DCC: variants seen among roughly 807,000 people sequenced by gnomAD.
The protein encoded by DCC is DCC netrin 1 receptor, also known as netrin receptor DCC.
DCC carries 58 observed loss-of-function variants against 172.5 expected under a neutral mutation model. The observed-to-expected ratio is 0.34, with a 90% CI of 0.27 to 0.42. The LOEUF is 0.42. Among genes scored for constraint, DCC ranks in the 10% least tolerant of loss-of-function variants. The pLI, the probability that DCC is intolerant of heterozygous loss-of-function variation, is 1.00. For missense variants in DCC, 1,740 were observed against 1,791.0 expected, an observed-to-expected ratio of 0.97 and a Z score of 0.51; for synonymous variants, 709 against 644.5, an observed-to-expected ratio of 1.10 and a Z score of -1.52.
At chr18:53,091,447 A>G (rs953521250) in intron 7 of DCC, among the ~76,000 whole-genome samples, 3 of 150,522 alleles carry the variant, frequency 2.0e-5, no homozygotes, top group Admixed American at 6.6e-5. Flanking sequence ...GCATAATAAT[A>G]TGCTTTAGAC....
intron 1 of DCC, among the ~76,000 whole-genome samples, chr18:52,733,291 A>G (rs1333373757): frequency 2.6e-5 from 4 of 152,074 alleles, no homozygotes; most frequent in African/African-American, 9.7e-5. Context: ...AACATGATTC[A>G]CGTATCATTT....
chr18:52,357,888 A>G (rs1373566342), intron 1 of DCC, among the ~76,000 whole-genome samples: 2 of 150,036 alleles, frequency 1.3e-5, no homozygotes, highest in African/African-American at 2.4e-5. Context: ...CAGTGAGCTG[A>G]GATCGCGCCA....
rs148056338 is a variant in DCC, at chr18:53,262,266, C to A, written c.1912-43312C>A. ...TAAACTTATGTGAATGTATTATACC[C>A]ATTTTTCCTCGTAGCCTAAAATCAA... On this transcript the variant is annotated intron_variant, in intron 12 of 28. Coordinates refer to ENST00000442544, the MANE Select transcript of DCC (RefSeq NM_005215.4). 3.1e-3 allele frequency among the ~76,000 whole-genome samples: 474 copies of A among 152,244 alleles called. 2 individuals carry two copies. Among genetic ancestry groups the A allele is most frequent in the African/African-American group, 0.011 (450 of 41,556 alleles).
At chr18:53,171,142 C>T (rs2055007903) in intron 8 of DCC, among the ~76,000 whole-genome samples, 1 of 152,160 alleles carries the variant, frequency 6.6e-6, no homozygotes, top group African/African-American at 2.4e-5. Context: ...GCCTCGGCCT[C>T]CCAAAGTGCT....
At chr18:52,495,481 T>C (rs1356318179) in intron 1 of DCC, among the ~76,000 whole-genome samples, 2 of 152,130 alleles carry the variant, frequency 1.3e-5, no homozygotes, top group Non-Finnish European at 2.9e-5. Context: ...AGTTCTTCCT[T>C]TCTCTGAAAT....
At chr18:53,030,602 T>G (rs147435671) in intron 5 of DCC, among the ~76,000 whole-genome samples, 1 of 152,268 alleles carries the variant, frequency 6.6e-6, no homozygotes, top group Non-Finnish European at 1.5e-5. Context: ...CCAGAGGCTA[T>G]GCTGTAACAA....
intron 12 of DCC, among the ~76,000 whole-genome samples, chr18:53,264,605 A>T (rs994191095): frequency 1.3e-4 from 19 of 151,888 alleles, no homozygotes; most frequent in Non-Finnish European, 1.2e-4. Flanking sequence ...AAGGTCAGAG[A>T]TGGAGTCAGT....
At chr18:53,133,949 G>A (rs919875422) in intron 7 of DCC, among the ~76,000 whole-genome samples, 10 of 152,158 alleles carry the variant, frequency 6.6e-5, no homozygotes, top group Non-Finnish European at 1.5e-4. Flanking sequence ...AAATAGTTGA[G>A]AGGAGAGACC....
chr18:52,973,588 C>A (rs1184567569), intron 5 of DCC, among the ~76,000 whole-genome samples: 3 of 152,116 alleles, frequency 2.0e-5, no homozygotes, highest in Non-Finnish European at 2.9e-5. Flanking sequence ...GATTTCCTTT[C>A]TTCCCATATT....
intron 1 of DCC, among the ~76,000 whole-genome samples, chr18:52,600,590 T>C (rs1443248304): frequency 6.6e-6 from 1 of 152,234 alleles, no homozygotes; most frequent in Non-Finnish European, 1.5e-5. Flanking sequence ...TCGATTTAAG[T>C]ACACTAAACG....
intron 7 of DCC, among the ~76,000 whole-genome samples, chr18:53,155,421 G>T (rs2054714594): frequency 6.6e-6 from 1 of 152,142 alleles, no homozygotes; most frequent in South Asian, 2.1e-4. Flanking sequence ...GTATTCCCTA[G>T]ACTTGAGAAC....
intron 15 of DCC, among the ~76,000 whole-genome samples, chr18:53,365,905 C>T (rs2058000181): frequency 6.6e-6 from 1 of 152,130 alleles, no homozygotes; most frequent in Non-Finnish European, 1.5e-5. Flanking sequence ...TTTATGTTCT[C>T]GTTTACAGAG....
Position 53,141,569 on chromosome 18 carries a change from A to C in DCC, c.1262-15787A>C, listed in dbSNP as rs373455618. 9.3e-4 allele frequency among the ~76,000 whole-genome samples: 141 copies of C among 152,326 alleles called. 3 individuals are homozygous for C. In the South Asian group the frequency reaches 0.028, roughly 30 times the overall value. On this transcript the variant is annotated intron_variant, in intron 7 of 28. Transcript: ENST00000442544. ...GTGATCTGTGATCATTTTACCCTGG[A>C]CTAGCATGAGGAGCGAACTATGATG...
intron 25 of DCC, among the ~76,000 whole-genome samples, chr18:53,476,806 T>C (rs927761620): frequency 5.6e-4 from 86 of 152,250 alleles, no homozygotes; most frequent in African/African-American, 2.1e-3. Flanking sequence ...GCATTTCACT[T>C]TGGAAAAACA....
chr18:53,178,911 C>T (rs1401155100), intron 8 of DCC, 51 bp from the exon 9 acceptor site: 1 of 1,606,242 alleles, frequency 6.2e-7, no homozygotes, highest in Non-Finnish European at 8.5e-7. Context: ...CAGATTTTGG[C>T]TGAAGGTATT....
At chr18:52,349,934 G>A (rs1359832880) in intron 1 of DCC, among the ~76,000 whole-genome samples, 1 of 152,074 alleles carries the variant, frequency 6.6e-6, no homozygotes, top group Non-Finnish European at 1.5e-5. Context: ...TTCTAAGTAA[G>A]CTCTCCAGAG....
At chr18:53,386,277 C>A in intron 16 of DCC, 139 bp downstream of exon 16, 1 of 688,556 alleles carries the variant, frequency 1.5e-6, no homozygotes, top group Non-Finnish European at 2.6e-6. Context: ...GAATAATTAT[C>A]CTCTGAGTCT....
intron 1 of DCC, among the ~76,000 whole-genome samples, chr18:52,689,859 T>C (rs576176015): frequency 1.3e-5 from 2 of 152,220 alleles, no homozygotes; most frequent in South Asian, 4.1e-4. Flanking sequence ...AAAGTTACTT[T>C]CTCTTAGCTG....
intron 1 of DCC, among the ~76,000 whole-genome samples, chr18:52,626,245 G>A (rs961553219): frequency 3.3e-5 from 5 of 152,014 alleles, no homozygotes; most frequent in Non-Finnish European, 7.4e-5. Context: ...CTTCCTCCAG[G>A]TGCCATATAG....
Sources: gnomAD v4.1 joint callset for allele counts (sites outside exome capture counted in the v4.1 genomes callset) on GRCh38, gnomAD v4.1.1 for gene constraint, MANE v1.5 for transcripts, NCBI Gene and HGNC (gene_info 2026-07-23, HGNC 2026-07-21) for gene names.